Variants in RASGRP3 observed in about 807,000 individuals in gnomAD.
The protein encoded by RASGRP3 is RAS guanyl releasing protein 3, also known as ras guanyl-releasing protein 3.
RASGRP3 carries 54 observed loss-of-function variants against 82.7 expected under a neutral mutation model. The observed-to-expected ratio is 0.65, with a 90% CI of 0.52 to 0.82. The LOEUF is 0.82. Among genes scored for constraint, RASGRP3 ranks in the 40% least tolerant of loss-of-function variants. The pLI is 0.00. For missense variants in RASGRP3, 861 were observed against 828.9 expected (o/e 1.04, Z -0.48); for synonymous variants, 309 against 300.5 (o/e 1.03, Z -0.29).
intron 2 of RASGRP3, among the ~76,000 whole-genome samples, chr2:33,461,525 G>A (rs2150899471): frequency 6.6e-6 from 1 of 152,340 alleles, no homozygotes; most frequent in Admixed American, 6.5e-5. Context: ...TGATCCACCT[G>A]CCTTGGCCTC....
chr2:33,504,313 A>G (rs1408703592), intron 1 of RASGRP3, among the ~76,000 whole-genome samples: 1 of 152,016 alleles, frequency 6.6e-6, no homozygotes, highest in Non-Finnish European at 1.5e-5. Flanking sequence ...GTGCTCCCGC[A>G]ATGCCCTGGG....
At chr2:33,477,248 C>G (rs1667457695) in intron 1 of RASGRP3, among the ~76,000 whole-genome samples, 2 of 152,026 alleles carry the variant, frequency 1.3e-5, no homozygotes, top group Admixed American at 6.5e-5. Flanking sequence ...ATATAGAAGA[C>G]TGACAAAATA....
chr2:33,561,473 A>G (rs576674170), intron 17 of RASGRP3, among the ~76,000 whole-genome samples: 2 of 152,322 alleles, frequency 1.3e-5, no homozygotes, highest in African/African-American at 2.4e-5. Flanking sequence ...ATGCATATAT[A>G]TGGTATACAG....
intron 9 of RASGRP3, among the ~76,000 whole-genome samples, chr2:33,525,417 A>G (rs1393702809): frequency 1.3e-5 from 2 of 151,974 alleles, no homozygotes; most frequent in Middle Eastern, 3.2e-3. Context: ...TCATGACATG[A>G]TAGTTGTTTT....
intron 13 of RASGRP3, among the ~76,000 whole-genome samples, chr2:33,544,970 AT>A (rs1260037361): frequency 1.3e-5 from 2 of 152,220 alleles, no homozygotes; most frequent in Non-Finnish European, 2.9e-5. Flanking sequence ...TTTAAAATAA[AT>A]TTAATTAGAA....
intron 9 of RASGRP3, 35 bp downstream of exon 9, chr2:33,524,583 A>T (rs1330497735): frequency 6.8e-7 from 1 of 1,459,922 alleles, no homozygotes; most frequent in East Asian, 2.4e-5. Context: ...AAAGTAAAAA[A>T]ATGCATTTGT....
At position 33,520,658 on chromosome 2, in the gene RASGRP3, C is replaced by T. The variant is rs1369319964; in HGVS notation, c.342C>T (p.His114=). The T allele has an allele frequency of 6.2e-6, 10 of 1,613,826 alleles. No homozygotes were observed. Among genetic ancestry groups the T allele is most frequent in the South Asian group, 4.4e-5 (4 of 91,082 alleles). ...EVASQLGYEK[H]VSLIDISSIP... is the part of the protein sequence containing the mutation. The stretch of plus-strand genomic sequence containing the variant: ...CTAGTCAACTAGGATATGAAAAACA[C>T]GTCAGCCTCATCGACATATCCAGCA... Residue 114 remains histidine, a synonymous_variant, in exon 6 of 18, where the codon CAC becomes CAT. Transcript: ENST00000403687.
intron 2 of RASGRP3, among the ~76,000 whole-genome samples, chr2:33,470,481 G>A (rs1395971771): frequency 1.3e-5 from 2 of 151,258 alleles, no homozygotes; most frequent in Non-Finnish European, 2.9e-5. Flanking sequence ...ACGGGTTCAC[G>A]CCATTTTCCT....
At chr2:33,479,314 C>T (rs188586753) in intron 1 of RASGRP3, among the ~76,000 whole-genome samples, 7 of 152,240 alleles carry the variant, frequency 4.6e-5, no homozygotes, top group East Asian at 1.9e-4. Flanking sequence ...GAACAGCAAC[C>T]GGGAACTTTG....
At chr2:33,472,697 C>T (rs898864672), upstream of RASGRP3, among the ~76,000 whole-genome samples, 9 of 152,218 alleles carry the variant, frequency 5.9e-5, no homozygotes, top group Middle Eastern at 3.4e-3. Flanking sequence ...TGGCTCACGC[C>T]TGTAATCCCA....
In RASGRP3 at chr2:33,520,610, G is replaced by T; in HGVS notation, c.294G>T (p.Met98Ile). The stretch of plus-strand genomic sequence containing the variant: ...ATTTGGATCTTGGTTTGATTCGTAT[G>T]ACTGAGGAATTTCGGGAAGTAGCTA... ...EFNLDLGLIR[M>I]TEEFREVASQ... Residue 98 changes from methionine (M) to isoleucine (I), a missense_variant, in exon 6 of 18, where the codon ATG (methionine) becomes ATT (isoleucine). Met to Ile is a conservative substitution (Grantham distance 10). Transcript: ENST00000403687. 1 of 1,613,968 alleles carries T rather than the reference G, an allele frequency of 6.2e-7. No individual in the cohort carries two copies. Among genetic ancestry groups the T allele is most frequent in the South Asian group, 1.1e-5 (1 of 91,062 alleles).
chr2:33,498,629 C>T (rs542278375), intron 1 of RASGRP3, among the ~76,000 whole-genome samples: 3 of 152,186 alleles, frequency 2.0e-5, no homozygotes, highest in Non-Finnish European at 4.4e-5. Flanking sequence ...ATCCTCTGAG[C>T]ATTCCTGATT....
chr2:33,541,327 T>C (rs1674264388), intron 12 of RASGRP3, among the ~76,000 whole-genome samples: 1 of 147,270 alleles, frequency 6.8e-6, no homozygotes, highest in African/African-American at 2.4e-5. Context: ...TATGACTTTA[T>C]TCTCTATCTC....
intron 1 of RASGRP3, among the ~76,000 whole-genome samples, chr2:33,510,050 C>A (rs1429540272): frequency 6.6e-6 from 1 of 152,176 alleles, no homozygotes; most frequent in East Asian, 1.9e-4. Context: ...TTTAAGACTT[C>A]AAGGTTTGTA....
At position 33,518,295 on chromosome 2, in the gene RASGRP3, A is replaced by G. The variant is rs773082483; in HGVS notation, c.173+1651A>G. Among the ~76,000 whole-genome samples the G allele has an allele frequency of 3.9e-5, 6 of 152,228 alleles. No homozygotes were observed. In the South Asian group the frequency reaches 6.2e-4, roughly 16 times the overall value. ...GAATTCTATAGGCAACTGTAACACA[A>G]TGGTGGGTATTTGTGTATCTAAACA... On this transcript the variant is annotated intron_variant, in intron 4 of 17. Transcript: ENST00000403687.
intron 10 of RASGRP3, 81 bp downstream of exon 10, chr2:33,527,493 G>A: frequency 7.1e-7 from 1 of 1,402,690 alleles, no homozygotes; most frequent in Non-Finnish European, 9.6e-7. Flanking sequence ...ATGTGTGCCA[G>A]CAATTCATTC....
chr2:33,464,566 C>T (rs543950729), intron 2 of RASGRP3, among the ~76,000 whole-genome samples: 1 of 152,012 alleles, frequency 6.6e-6, no homozygotes, highest in Admixed American at 6.5e-5. Context: ...TTGACTTCCC[C>T]TGCTCAAGTG....
chr2:33,530,159 G>T (rs2151044179), intron 10 of RASGRP3, among the ~76,000 whole-genome samples: 1 of 152,258 alleles, frequency 6.6e-6, no homozygotes, highest in East Asian at 1.9e-4. Flanking sequence ...GCATGCGAAG[G>T]CATCCACATG....
At chr2:33,561,038 A>T (rs551471322) in intron 17 of RASGRP3, among the ~76,000 whole-genome samples, 1 of 151,610 alleles carries the variant, frequency 6.6e-6, no homozygotes, top group South Asian at 2.1e-4. Flanking sequence ...ATGCTCTCTT[A>T]TCCTTTCTGT....
Sources: gnomAD v4.1 joint callset for allele counts (sites outside exome capture counted in the v4.1 genomes callset) on GRCh38, gnomAD v4.1.1 for gene constraint, MANE v1.5 for transcripts, NCBI Gene and HGNC (gene_info 2026-07-23, HGNC 2026-07-21) for gene names.